Variants in SLC36A4 observed in about 807,000 individuals in gnomAD.
The protein encoded by SLC36A4 is neutral amino acid uniporter 4.
SLC36A4 carries 49 observed loss-of-function variants against 50.5 expected under a neutral mutation model. The ratio of observed to expected loss-of-function variants is 0.97; its 90% CI spans 0.77 to 1.23. The LOEUF (loss-of-function observed/expected upper bound fraction) is 1.23, where lower values mean the gene tolerates loss of function less well. SLC36A4 is among the 50% of genes most tolerant of loss of function. SLC36A4 has a pLI of 0.00. For synonymous variants in SLC36A4, 207 were observed against 206.5 expected (o/e 1.00, Z -0.02); for missense variants, 611 against 608.4 (o/e 1.00, Z -0.05).
intron 1 of SLC36A4, among the ~76,000 whole-genome samples, chr11:93,188,803 T>C (rs892080398): frequency 1.2e-4 from 19 of 152,316 alleles, no homozygotes; most frequent in African/African-American, 4.6e-4. Context: ...AGGGCTCTCA[T>C]AATCAAGTAC....
At chr11:93,165,847 A>G in intron 8 of SLC36A4, 71 bp downstream of exon 8, 1 of 881,536 alleles carries the variant, frequency 1.1e-6, no homozygotes, top group Non-Finnish European at 1.7e-6. Flanking sequence ...AATTTTAAAT[A>G]CAGGTAGGCT....
At position 93,197,886 on chromosome 11, in the gene SLC36A4, C is replaced by A; in HGVS notation, c.-54G>T. 6.7e-7 allele frequency: 1 copy of A among 1,493,210 alleles called. No homozygotes were observed. Among genetic ancestry groups the A allele is most frequent in the Non-Finnish European group, 8.9e-7 (1 of 1,125,890 alleles). The allele number at this position is 1,493,210 out of a possible 1,614,324, so 92.5% of individuals were successfully genotyped here. A position where few individuals can be genotyped will look rare whatever the true frequency, so the allele number is the denominator to read the frequency against. On this transcript the variant is annotated 5_prime_UTR_variant, in exon 1 of 11. Coordinates refer to ENST00000326402, the MANE Select transcript of SLC36A4 (RefSeq NM_152313.4). Reference sequence around the variant, plus strand: ...CCGAGTGCTCACTCTCCCGCCGCTGCGTGGCCGGCGTCAGGCCCAGGCCTA... The same window carrying A: ...CCGAGTGCTCACTCTCCCGCCGCTGAGTGGCCGGCGTCAGGCCCAGGCCTA...
intron 1 of SLC36A4, 35 bp from the exon 2 acceptor site, chr11:93,185,849 C>A: frequency 6.5e-7 from 1 of 1,531,100 alleles, no homozygotes; most frequent in Non-Finnish European, 8.7e-7. Flanking sequence ...TTCACTATTG[C>A]TTAAAAAAGT....
chr11:93,177,954 A>G (rs1861562008), intron 6 of SLC36A4, among the ~76,000 whole-genome samples: 1 of 152,192 alleles, frequency 6.6e-6, no homozygotes, highest in Admixed American at 6.5e-5. Context: ...TTGTTTAGCT[A>G]TGCCCTGCCC....
At chr11:93,175,457 C>T (rs1471505370) in intron 6 of SLC36A4, among the ~76,000 whole-genome samples, 1 of 151,294 alleles carries the variant, frequency 6.6e-6, no homozygotes, top group Non-Finnish European at 1.5e-5. Flanking sequence ...TTCAGTTCTG[C>T]TGTGATTTTA....
chr11:93,175,441 A>G (rs1299867138), intron 6 of SLC36A4, among the ~76,000 whole-genome samples: 2 of 150,012 alleles, frequency 1.3e-5, no homozygotes, highest in East Asian at 2.0e-4. Flanking sequence ...TTGTGTCTCT[A>G]TTTCCTTCAG....
rs1392455582 is a variant in SLC36A4 at position 93,148,676 on chromosome 11, G to C, written c.1376C>G (p.Thr459Ser). ...MVLKNISIAFTGVVGFLLGTY... is the reference protein window; with the variant it reads ...MVLKNISIAFSGVVGFLLGTY... ...ACCTAATAAGAAGCCAACAACTCCA[G>C]TGAATGCTATAGAAATATTTTTCAG... The change falls in exon 11 of 11, where the codon ACT (threonine) becomes AGT (serine). Residue 459 changes from threonine (T) to serine (S), a missense_variant. Thr to Ser is a moderately conservative substitution (Grantham distance 58). Transcript: ENST00000326402. 6.2e-7 allele frequency: 1 copy of C among 1,612,856 alleles called. No individual in the cohort carries two copies. Among genetic ancestry groups the C allele is most frequent in the Non-Finnish European group, 8.5e-7 (1 of 1,179,314 alleles).
Position 93,197,927 on chromosome 11 carries a change from G to A in SLC36A4, c.-95C>T, listed in dbSNP as rs1862508730. The A allele has an allele frequency of 3.9e-6, 5 of 1,283,904 alleles. No individual in the cohort carries two copies. Among genetic ancestry groups the A allele is most frequent in the South Asian group, 1.6e-5 (1 of 60,746 alleles). The allele number at this position is 1,283,904 out of a possible 1,614,324, so 79.5% of individuals were successfully genotyped here. A position where few individuals can be genotyped will look rare whatever the true frequency, so the allele number is the denominator to read the frequency against. On this transcript the variant is annotated 5_prime_UTR_variant, in exon 1 of 11. Transcript: ENST00000326402. ...CCCAGGCCTACCTCCCCTGCCCGGA[G>A]GGACCCGCGCCTGGTGCCCGCCTCC...
intron 1 of SLC36A4, 59 bp downstream of exon 1, chr11:93,197,719 C>G (rs1591001102): frequency 1.3e-6 from 2 of 1,545,182 alleles, no homozygotes; most frequent in East Asian, 4.9e-5. Flanking sequence ...GCGCACCCGA[C>G]TCCCGCACAG....
intron 8 of SLC36A4, among the ~76,000 whole-genome samples, chr11:93,163,703 C>T (rs1386360937): frequency 6.6e-6 from 1 of 152,128 alleles, no homozygotes; most frequent in Non-Finnish European, 1.5e-5. Flanking sequence ...GTCCCTAAAT[C>T]CAGCTCCTTC....
chr11:93,170,735 C>T (rs531686476), intron 6 of SLC36A4, among the ~76,000 whole-genome samples: 3 of 152,090 alleles, frequency 2.0e-5, no homozygotes, highest in Admixed American at 1.3e-4. Context: ...AGAGTAAGAA[C>T]AGAGAGGAAC....
chr11:93,176,757 C>T (rs936636088), intron 6 of SLC36A4, among the ~76,000 whole-genome samples: 6 of 152,120 alleles, frequency 3.9e-5, no homozygotes, highest in Admixed American at 3.3e-4. Context: ...TCTTTTCTTT[C>T]AGAATGTTGA....
chr11:93,183,211 A>G (rs1861813886), intron 3 of SLC36A4, among the ~76,000 whole-genome samples: 1 of 152,212 alleles, frequency 6.6e-6, no homozygotes, highest in Non-Finnish European at 1.5e-5. Flanking sequence ...GTGACCCACC[A>G]TTATAATTAT....
intron 1 of SLC36A4, chr11:93,197,292 G>C (rs1862468262): frequency 6.4e-6 from 1 of 155,320 alleles, no homozygotes; most frequent in Admixed American, 6.5e-5. Context: ...TTTGCCAAGT[G>C]AGCAAGCTAC....
intron 9 of SLC36A4, among the ~76,000 whole-genome samples, chr11:93,161,120 A>T (rs1590941108): frequency 6.6e-6 from 1 of 152,324 alleles, no homozygotes; most frequent in East Asian, 1.9e-4. Context: ...GATTCCAGAC[A>T]TAAGCCACCA....
chr11:93,164,655 G>A (rs1422006015), intron 8 of SLC36A4, among the ~76,000 whole-genome samples: 2 of 152,194 alleles, frequency 1.3e-5, no homozygotes, highest in East Asian at 3.8e-4. Context: ...ACAGGCAGTG[G>A]CCAAGAATGG....
intron 9 of SLC36A4, among the ~76,000 whole-genome samples, chr11:93,156,185 C>T (rs1860351296): frequency 6.6e-6 from 1 of 152,160 alleles, no homozygotes; most frequent in Admixed American, 6.5e-5. Flanking sequence ...CTAACTTATA[C>T]TCCCATCAAC....
At chr11:93,149,835 C>G (rs1303262331) in intron 10 of SLC36A4, among the ~76,000 whole-genome samples, 2 of 151,936 alleles carry the variant, frequency 1.3e-5, no homozygotes, top group Admixed American at 1.3e-4. Context: ...AGCATTGTAT[C>G]CATGCTAATT....
chr11:93,181,937 A>C (rs775077000), intron 4 of SLC36A4, 151 bp from the exon 5 acceptor site: 46 of 594,224 alleles, frequency 7.7e-5, no homozygotes, highest in Non-Finnish European at 1.1e-4. Context: ...CAAGATCTGC[A>C]TACTTCTAAA....
Sources: allele counts gnomAD v4.1 joint callset (sites outside exome capture counted in the v4.1 genomes callset), GRCh38; gene constraint gnomAD v4.1.1; transcripts MANE v1.5; gene names NCBI Gene and HGNC (gene_info 2026-07-23, HGNC 2026-07-21).